GGA2: variants seen among roughly 807,000 people sequenced by gnomAD.
GGA2 encodes ADP-ribosylation factor-binding protein GGA2.
GGA2 carries 48 observed loss-of-function variants against 79.5 expected under a neutral mutation model. That is an observed-to-expected ratio of 0.60 (90% confidence interval 0.48 to 0.77). The LOEUF (loss-of-function observed/expected upper bound fraction) is 0.77. GGA2 is among the 30% of genes least tolerant of loss of function. The pLI is 0.00. For missense variants in GGA2, 770 were observed against 774.0 expected (o/e 0.99, Z 0.06); for synonymous variants, 317 against 302.0 (o/e 1.05, Z -0.51).
intron 13 of GGA2, among the ~76,000 whole-genome samples, chr16:23,476,072 T>C (rs1272738130): frequency 1.3e-5 from 2 of 152,248 alleles, no homozygotes; most frequent in Non-Finnish European, 2.9e-5. Flanking sequence ...GTCAGGTTGT[T>C]TCCCAGGTGT....
At position 23,494,333 on chromosome 16, in the gene GGA2, CGGAGACTGGATCTTGT is replaced by C; in HGVS notation, c.206_221del (p.His69ArgfsTer10). 1 of 1,612,680 alleles carries C rather than the reference CGGAGACTGGATCTTGT, an allele frequency of 6.2e-7. No individual in the cohort carries two copies. Among genetic ancestry groups the C allele is most frequent in the Admixed American group, 1.7e-5 (1 of 60,028 alleles). On this transcript the variant is annotated frameshift_variant, in exon 3 of 17. Coordinates refer to ENST00000309859, the MANE Select transcript of GGA2 (RefSeq NM_015044.4). LOFTEE classifies it high-confidence loss of function. ...AGGCATAAAGAGCTTCCTTCTCTTG[CGGAGACTGGATCTTGT>C]GGGCCAGTAGCCAGGGCGCATGTGT...
intron 16 of GGA2, among the ~76,000 whole-genome samples, chr16:23,468,151 T>C (rs1276517048): frequency 1.3e-5 from 2 of 152,108 alleles, no homozygotes; most frequent in Non-Finnish European, 2.9e-5. Flanking sequence ...TCCCTCCCTC[T>C]CTCTCTCTTT....
chr16:23,490,374 C>T (rs750101061), intron 5 of GGA2, among the ~76,000 whole-genome samples: 2 of 152,204 alleles, frequency 1.3e-5, no homozygotes, highest in African/African-American at 4.8e-5. Flanking sequence ...GATCACTACA[C>T]ATTGTATGCA....
intron 1 of GGA2, among the ~76,000 whole-genome samples, 167 bp downstream of exon 1, chr16:23,510,154 C>G (rs573238951): frequency 4.8e-4 from 73 of 151,752 alleles, no homozygotes; most frequent in African/African-American, 1.6e-3. Context: ...TGGGGCTCCT[C>G]TCGGGGGACC....
At chr16:23,503,292 T>C (rs1377203720) in intron 1 of GGA2, among the ~76,000 whole-genome samples, 1 of 152,224 alleles carries the variant, frequency 6.6e-6, no homozygotes, top group African/African-American at 2.4e-5. Flanking sequence ...GATGAAATAT[T>C]AGATGAAACA....
chr16:23,512,069 G>A (rs1965072170), upstream of GGA2, among the ~76,000 whole-genome samples: 1 of 152,192 alleles, frequency 6.6e-6, no homozygotes, highest in South Asian at 2.1e-4. Flanking sequence ...TTCCATTGAA[G>A]CTGTTGTGCC....
At chr16:23,499,757 C>G (rs1263593698) in intron 1 of GGA2, among the ~76,000 whole-genome samples, 1 of 152,194 alleles carries the variant, frequency 6.6e-6, no homozygotes, top group African/African-American at 2.4e-5. Context: ...CCACTGTGCC[C>G]GGCTCAGTTT....
At chr16:23,519,010 T>C (rs1486191540) in intron 2 of GGA2, among the ~76,000 whole-genome samples, 1 of 151,268 alleles carries the variant, frequency 6.6e-6, no homozygotes, top group Non-Finnish European at 1.5e-5. Context: ...AATTTGGCTA[T>C]AAAAATGTAA....
At position 23,470,047 on chromosome 16, in the gene GGA2, G is replaced by A. The variant is rs1244677810; in HGVS notation, c.1569C>T (p.Ser523=). The stretch of plus-strand genomic sequence containing the variant: ...TATCCCAGACAGGCTGGGGAGCCGT[G>A]CTCATCATGGTCAAGAGCAGCACCT... ...EVQVLLLTMM[S]TAPQPVWDIM... Residue 523 remains serine, a synonymous_variant, in exon 15 of 17, where the codon AGC becomes AGT. Coordinates refer to ENST00000309859, the MANE Select transcript of GGA2 (RefSeq NM_015044.4). The A allele has an allele frequency of 6.2e-7, 1 of 1,603,666 alleles. No homozygotes were observed. The highest frequency in any genetic ancestry group is 1.1e-5 in the South Asian group (1 of 88,428).
intron 1 of GGA2, among the ~76,000 whole-genome samples, chr16:23,502,919 G>A (rs1328957189): frequency 6.6e-6 from 1 of 152,220 alleles, no homozygotes; most frequent in Non-Finnish European, 1.5e-5. Flanking sequence ...CCCCACCAAT[G>A]TGAGATGTCA....
chr16:23,519,684 G>A (rs1201141361), intron 1 of GGA2: 14 of 357,014 alleles, frequency 3.9e-5, no homozygotes, highest in South Asian at 2.7e-4. Flanking sequence ...AGGGGTGAAT[G>A]TTAGAAACTG....
rs200022066 is a variant in GGA2 at position 23,470,855 on chromosome 16, CTT to C, written c.1451-692_1451-691del. On this transcript the variant is annotated intron_variant, in intron 14 of 16. Coordinates refer to ENST00000309859, the MANE Select transcript of GGA2 (RefSeq NM_015044.4). The stretch of plus-strand genomic sequence containing the variant: ...TTTTTTTTTTTTTTTTTTGGACAGA[CTT>C]TCGCTTTTGTTGCCCAGGCTGGAAT... 9.2e-3 allele frequency among the ~76,000 whole-genome samples: 721 copies of C among 78,502 alleles called. 7 individuals carry two copies. Among genetic ancestry groups the C allele is most frequent in the African/African-American group, 0.036 (694 of 19,406 alleles). The allele number at this position is 78,502 out of a possible 152,430, so 51.5% of individuals were successfully genotyped here. A position where few individuals can be genotyped will look rare whatever the true frequency, so the allele number is the denominator to read the frequency against.
At chr16:23,500,671 T>G (rs895082385) in intron 1 of GGA2, among the ~76,000 whole-genome samples, 1 of 152,252 alleles carries the variant, frequency 6.6e-6, no homozygotes, top group Non-Finnish European at 1.5e-5. Context: ...GCAAAGCCAG[T>G]GCAGGGTGTG....
chr16:23,475,189 CTTTTTTT>C, intron 13 of GGA2, 128 bp from the exon 14 acceptor site: 2 of 320,430 alleles, frequency 6.2e-6, no homozygotes, highest in South Asian at 3.3e-5. Flanking sequence ...TGTTATATGC[CTTTTTTT>C]TTTTTTTTTT....
chr16:23,472,187 T>G (rs1366013711), intron 14 of GGA2, among the ~76,000 whole-genome samples: 63 of 17,580 alleles, frequency 3.6e-3, no homozygotes, highest in African/African-American at 6.6e-3. Context: ...AGCCCTGGTT[T>G]TTTTTTTTTT....
intron 13 of GGA2, 128 bp downstream of exon 13, chr16:23,478,234 AAAAAAG>A: frequency 1.5e-6 from 1 of 672,032 alleles, no homozygotes. Context: ...ACAAAAAAAA[AAAAAAG>A]AAAGAAAGAA....
In GGA2 at chr16:23,463,579, A is replaced by G. The variant is rs2142106644; in HGVS notation, c.*4011T>C. ...GTTTTATTTTCAGCTGATTTTAGAA[A>G]GCTCAGAAAAAATTTAAAGAAAATT... On this transcript the variant is annotated 3_prime_UTR_variant, in exon 17 of 17. Coordinates refer to ENST00000309859, the MANE Select transcript of GGA2 (RefSeq NM_015044.4). The G allele has an allele frequency of 6.6e-6, 1 of 152,372 alleles. No individual in the cohort carries two copies. The highest frequency in any genetic ancestry group is 2.1e-4 in the South Asian group (1 of 4,830). 9.4% of individuals were successfully genotyped at this position (152,372 alleles called of 1,614,324 possible).
chr16:23,488,743 T>C (rs1254587209), intron 5 of GGA2, 34 bp from the exon 6 acceptor site: 1 of 1,161,842 alleles, frequency 8.6e-7, no homozygotes, highest in African/African-American at 1.5e-5. Flanking sequence ...AAGACACCGA[T>C]ATGGTACCCA....
At chr16:23,483,113 G>T in intron 8 of GGA2, 109 bp from the exon 9 acceptor site, 1 of 713,262 alleles carries the variant, frequency 1.4e-6, no homozygotes. Flanking sequence ...TGGGGCTTCA[G>T]AAGGCCTCCC....
Sources: gnomAD v4.1 joint callset for allele counts (sites outside exome capture counted in the v4.1 genomes callset) on GRCh38, gnomAD v4.1.1 for gene constraint, MANE v1.5 for transcripts, NCBI Gene and HGNC (gene_info 2026-07-23, HGNC 2026-07-21) for gene names.